Variants in PTPRD observed in about 807,000 individuals in gnomAD.
The protein encoded by PTPRD is receptor-type tyrosine-protein phosphatase delta.
Under a neutral mutation model 214.5 loss-of-function variants are expected in PTPRD, and 34 were observed. That is an observed-to-expected ratio of 0.16 (90% confidence interval 0.12 to 0.21). The LOEUF is 0.21. Among genes scored for constraint, PTPRD ranks in the 10% least tolerant of loss-of-function variants. PTPRD has a pLI of 1.00. For missense variants in PTPRD, 2,545 were observed against 2,398.7 expected (o/e 1.06, Z -1.27); for synonymous variants, 1,128 against 845.7 (o/e 1.33, Z -5.79).
Position 9,984,892 on chromosome 9 carries a change from T to C in PTPRD, c.-471-46282A>G, listed in dbSNP as rs370720995. ...TCACTCTCACACTCCTGACCAACCATGCACACCCAAAAACCAAAGGGGAGT... is the reference window on the plus strand; with the variant it reads ...TCACTCTCACACTCCTGACCAACCACGCACACCCAAAAACCAAAGGGGAGT... On this transcript the variant is annotated intron_variant, in intron 4 of 45. Transcript: ENST00000381196. Among the ~76,000 whole-genome samples the C allele has an allele frequency of 8.7e-4, 132 of 152,154 alleles. 4 individuals carry two copies. In the South Asian group the frequency reaches 0.026, roughly 29 times the overall value.
chr9:9,897,894 C>T lies in PTPRD; in HGVS notation c.-368+40613G>A, dbSNP rs184450854. Among the ~76,000 whole-genome samples, 25 of 152,120 alleles carry T rather than the reference C, an allele frequency of 1.6e-4. No homozygotes were observed. The East Asian group carries it at 4.3e-3, about 26-fold the overall frequency. ...AGTATACATTTTAGGCTTCACAGGT[C>T]AGACGGTCTCTGTTGCAACTGTTCA... On this transcript the variant is annotated intron_variant, in intron 5 of 45. Transcript: ENST00000381196.
At chr9:8,823,548 G>C (rs1318510756) in intron 11 of PTPRD, among the ~76,000 whole-genome samples, 2 of 152,118 alleles carry the variant, frequency 1.3e-5, no homozygotes, top group South Asian at 4.1e-4. Context: ...CAGCTCGAGA[G>C]GCTAAGGCGG....
intron 35 of PTPRD, among the ~76,000 whole-genome samples, chr9:8,423,182 C>T (rs1474286860): frequency 6.6e-6 from 1 of 151,164 alleles, no homozygotes; most frequent in Non-Finnish European, 1.5e-5. Context: ...CTAAAAAGAT[C>T]GTCCAGTCCA....
intron 2 of PTPRD, among the ~76,000 whole-genome samples, chr9:10,464,279 G>C (rs774946957): frequency 2.0e-5 from 3 of 151,948 alleles, no homozygotes; most frequent in Non-Finnish European, 4.4e-5. Context: ...TAAAAAGCTG[G>C]GCATGGCACT....
At chr9:9,606,264 A>G (rs555888553) in intron 7 of PTPRD, among the ~76,000 whole-genome samples, 8 of 152,238 alleles carry the variant, frequency 5.3e-5, no homozygotes, top group South Asian at 2.1e-4. Flanking sequence ...GTCATTAACA[A>G]CAGACCCTGG....
chr9:10,549,460 C>G (rs977061862), intron 2 of PTPRD, among the ~76,000 whole-genome samples: 3 of 152,162 alleles, frequency 2.0e-5, no homozygotes, highest in South Asian at 2.1e-4. Flanking sequence ...CCCATCCTTG[C>G]AAGACAAAGT....
At chr9:9,139,891 G>T (rs555619602) in intron 10 of PTPRD, among the ~76,000 whole-genome samples, 1 of 152,140 alleles carries the variant, frequency 6.6e-6, no homozygotes, top group East Asian at 1.9e-4. Context: ...AGACTAATTA[G>T]TGTAAAAATA....
chr9:9,946,057 G>GTTGGGAAAGTTACCCTTCCCTTTCCCAC (rs2092501989), intron 4 of PTPRD, among the ~76,000 whole-genome samples: 2 of 151,118 alleles, frequency 1.3e-5, no homozygotes, highest in Non-Finnish European at 2.9e-5. Context: ...TCCTTTCCCA[G>GTTGGGAAAGTTACCCTTCCCTTTCCCAC]TTGGGAAAGT....
intron 5 of PTPRD, among the ~76,000 whole-genome samples, chr9:9,883,512 G>T (rs1326749550): frequency 1.3e-5 from 2 of 152,078 alleles, no homozygotes; most frequent in Non-Finnish European, 2.9e-5. Context: ...GATGTTTCAG[G>T]TACTTCCCGG....
intron 10 of PTPRD, among the ~76,000 whole-genome samples, chr9:9,112,756 A>C (rs995977950): frequency 2.0e-5 from 3 of 152,194 alleles, no homozygotes; most frequent in Non-Finnish European, 4.4e-5. Flanking sequence ...GAGAGAAATT[A>C]TGGGAAATCA....
At chr9:10,447,342 G>A (rs977275550) in intron 2 of PTPRD, among the ~76,000 whole-genome samples, 4 of 151,956 alleles carry the variant, frequency 2.6e-5, no homozygotes, top group Admixed American at 2.6e-4. Context: ...CCTCTGTCAT[G>A]TCCTACACCA....
intron 11 of PTPRD, among the ~76,000 whole-genome samples, chr9:8,945,524 G>T (rs111556074): frequency 3.0e-4 from 45 of 151,872 alleles, no homozygotes; most frequent in African/African-American, 1.0e-3. Flanking sequence ...TCCTCCTAAA[G>T]CATTCCATAA....
intron 8 of PTPRD, among the ~76,000 whole-genome samples, chr9:9,535,116 C>T (rs1253026815): frequency 6.6e-6 from 1 of 152,038 alleles, no homozygotes; most frequent in Non-Finnish European, 1.5e-5. Flanking sequence ...ACACCTGCAG[C>T]CTCTGGACTG....
chr9:9,880,163 C>G (rs1480198877), intron 5 of PTPRD, among the ~76,000 whole-genome samples: 3 of 152,134 alleles, frequency 2.0e-5, no homozygotes, highest in Non-Finnish European at 4.4e-5. Context: ...AGTGTTCTCA[C>G]TTTGTGCACT....
At chr9:9,787,883 G>A (rs2098937405) in intron 5 of PTPRD, among the ~76,000 whole-genome samples, 1 of 151,852 alleles carries the variant, frequency 6.6e-6, no homozygotes, top group South Asian at 2.1e-4. Context: ...CCAGGTTCAA[G>A]AGATTCTCCT....
intron 2 of PTPRD, among the ~76,000 whole-genome samples, chr9:10,531,386 A>T (rs2056256099): frequency 6.6e-6 from 1 of 152,216 alleles, no homozygotes; most frequent in African/African-American, 2.4e-5. Context: ...CAACAAAAAC[A>T]TAGGGATGAT....
At chr9:8,407,289 T>G (rs1388403007) in intron 35 of PTPRD, among the ~76,000 whole-genome samples, 1 of 152,200 alleles carries the variant, frequency 6.6e-6, no homozygotes, top group Non-Finnish European at 1.5e-5. Flanking sequence ...TTTTCACAAT[T>G]GTTACAAGGT....
chr9:9,078,656 TG>T (rs752316474), intron 10 of PTPRD, among the ~76,000 whole-genome samples: 2 of 151,792 alleles, frequency 1.3e-5, no homozygotes, highest in Non-Finnish European at 2.9e-5. Context: ...TTTTTTTTAC[TG>T]GGGAGTGTTC....
At chr9:9,997,196 C>A (rs781423283) in intron 4 of PTPRD, among the ~76,000 whole-genome samples, 20 of 150,878 alleles carry the variant, frequency 1.3e-4, no homozygotes, top group African/African-American at 4.1e-4. Context: ...AAATTGAAAG[C>A]AAAATAACTG....
Sources: allele counts gnomAD v4.1 joint callset (sites outside exome capture counted in the v4.1 genomes callset), GRCh38; gene constraint gnomAD v4.1.1; transcripts MANE v1.5; gene names NCBI Gene and HGNC (gene_info 2026-07-23, HGNC 2026-07-21).